The following ASCC1 variants were observed in gnomAD, a reference collection of about 807,000 sequenced individuals.
The protein encoded by ASCC1 is ASC-1 complex subunit P50.
A neutral mutation model predicts 46.6 loss-of-function variants in ASCC1; 35 were observed. That is an observed-to-expected ratio of 0.75 (90% CI 0.57 to 0.99). ASCC1 has a LOEUF of 0.99. Ranked by LOEUF, ASCC1 falls within the 50% of genes least tolerant of loss-of-function variation. ASCC1 has a pLI of 0.00. For synonymous variants in ASCC1, 143 were observed against 146.6 expected, an observed-to-expected ratio of 0.98 and a Z score of 0.18; for missense variants, 376 against 428.7, an observed-to-expected ratio of 0.88 and a Z score of 1.09.
intron 5 of ASCC1, among the ~76,000 whole-genome samples, chr10:72,180,496 T>G (rs1852442520): frequency 6.6e-6 from 1 of 151,884 alleles, no homozygotes; most frequent in Non-Finnish European, 1.5e-5. Context: ...TGTGGTGGTG[T>G]GTGCCTGTAA....
intron 9 of ASCC1, among the ~76,000 whole-genome samples, chr10:72,117,206 T>C (rs1843593696): frequency 6.6e-6 from 1 of 152,234 alleles, no homozygotes; most frequent in African/African-American, 2.4e-5. Flanking sequence ...GTATGTCATA[T>C]ATTTATGAGT....
chr10:72,108,901 T>C (rs1339349516), intron 9 of ASCC1, among the ~76,000 whole-genome samples: 1 of 152,192 alleles, frequency 6.6e-6, no homozygotes. Context: ...GGCTCTACAG[T>C]CATTATCTGG....
chr10:72,185,505 A>G (rs1853323499), intron 5 of ASCC1, among the ~76,000 whole-genome samples: 1 of 152,200 alleles, frequency 6.6e-6, no homozygotes, highest in African/African-American at 2.4e-5. Context: ...AACACACATG[A>G]CTGACTCCCA....
intron 5 of ASCC1, among the ~76,000 whole-genome samples, chr10:72,175,272 A>C (rs1851725466): frequency 6.6e-6 from 1 of 152,238 alleles, no homozygotes; most frequent in Non-Finnish European, 1.5e-5. Flanking sequence ...TCTGCAGATG[A>C]AACACATATG....
intron 3 of ASCC1, chr10:72,204,515 C>T: frequency 6.6e-7 from 1 of 1,525,178 alleles, no homozygotes. Context: ...ACTACCGAAT[C>T]CCAAGAGAGA....
chr10:72,185,853 GA>G (rs1235678396), intron 5 of ASCC1, among the ~76,000 whole-genome samples: 1 of 152,042 alleles, frequency 6.6e-6, no homozygotes, highest in Non-Finnish European at 1.5e-5. Flanking sequence ...AAACAGAATG[GA>G]AAAAACTATG....
intron 5 of ASCC1, among the ~76,000 whole-genome samples, chr10:72,194,028 G>C (rs1164668344): frequency 4.0e-5 from 6 of 149,938 alleles, no homozygotes; most frequent in Non-Finnish European, 5.9e-5. Context: ...ATTTTTAGTA[G>C]AGACGGGGTT....
chr10:72,202,144 A>T (rs1004231308), intron 4 of ASCC1, among the ~76,000 whole-genome samples: 2 of 152,118 alleles, frequency 1.3e-5, no homozygotes, highest in Non-Finnish European at 1.5e-5. Flanking sequence ...TTAATGAATT[A>T]TTGGAGGTTG....
At chr10:72,109,405 G>C (rs56663070) in intron 9 of ASCC1, among the ~76,000 whole-genome samples, 9 of 152,142 alleles carry the variant, frequency 5.9e-5, no homozygotes, top group Non-Finnish European at 1.0e-4. Flanking sequence ...CACAGAATGG[G>C]AACAGCAACT....
intron 7 of ASCC1, chr10:72,134,200 G>A (rs751952946): frequency 3.9e-5 from 6 of 152,270 alleles, no homozygotes; most frequent in East Asian, 1.9e-4. Flanking sequence ...GGAGGCCAAA[G>A]AGGGAAGATC....
chr10:72,147,843 T>C (rs1368309564), intron 7 of ASCC1, among the ~76,000 whole-genome samples: 1 of 152,206 alleles, frequency 6.6e-6, no homozygotes, highest in African/African-American at 2.4e-5. Flanking sequence ...TATAATTCCC[T>C]GGAAACTATA....
Position 72,213,388 on chromosome 10 carries a change from T to C in ASCC1, c.-33-57A>G. The C allele has an allele frequency of 5.4e-6, 5 of 923,220 alleles. No individual in the cohort carries two copies. In the South Asian group the frequency reaches 6.8e-5, roughly 12 times the overall value. The allele number at this position is 923,220 out of a possible 1,614,324, so 57.2% of individuals were successfully genotyped here. On this transcript the variant is annotated intron_variant, in intron 1 of 9. Coordinates refer to ENST00000672957, the MANE Select transcript of ASCC1 (RefSeq NM_001198800.3). The stretch of plus-strand genomic sequence containing the variant: ...TAGTGAGAATTAAAACTCCTATCTC[T>C]AGTGTCTGAACCATTATGCAGGTCT...
intron 3 of ASCC1, 34 bp downstream of exon 3, chr10:72,210,698 G>A (rs1005877934): frequency 6.3e-7 from 1 of 1,581,146 alleles, no homozygotes; most frequent in African/African-American, 1.3e-5. Flanking sequence ...TCCTGGAAGT[G>A]TCTTCCCATG....
intron 9 of ASCC1, among the ~76,000 whole-genome samples, chr10:72,124,723 C>CTTTTT (rs34682603): frequency 2.0e-4 from 24 of 118,636 alleles, no homozygotes; most frequent in African/African-American, 6.3e-4. Context: ...CAAACAACAT[C>CTTTTT]TTTTTTTTTT....
intron 7 of ASCC1, among the ~76,000 whole-genome samples, chr10:72,151,566 C>CACA (rs1190312345): frequency 6.6e-6 from 1 of 151,944 alleles, no homozygotes; most frequent in African/African-American, 2.4e-5. Flanking sequence ...GAACATTGTG[C>CACA]ACATGTACCC....
intron 9 of ASCC1, chr10:72,103,078 T>G (rs1353810390): frequency 2.7e-6 from 1 of 364,532 alleles, no homozygotes; most frequent in African/African-American, 2.2e-5. Context: ...TAAACACATG[T>G]GCCAGGAATT....
chr10:72,161,893 T>C (rs1409405058), intron 5 of ASCC1, among the ~76,000 whole-genome samples: 1 of 152,104 alleles, frequency 6.6e-6, no homozygotes, highest in Non-Finnish European at 1.5e-5. Context: ...CCTCCTACCA[T>C]ATAAAAAAAT....
intron 7 of ASCC1, among the ~76,000 whole-genome samples, chr10:72,137,108 G>T (rs143520875): frequency 1.3e-4 from 20 of 152,050 alleles, no homozygotes; most frequent in Admixed American, 1.0e-3. Flanking sequence ...TAGAGACGGG[G>T]TATCACTATA....
At chr10:72,150,229 A>G (rs187802548) in intron 7 of ASCC1, among the ~76,000 whole-genome samples, 53 of 152,158 alleles carry the variant, frequency 3.5e-4, no homozygotes, top group Non-Finnish European at 4.6e-4. Context: ...ACACCAAAAT[A>G]GCTCCTATGC....
Sources: gnomAD v4.1 joint callset for allele counts (sites outside exome capture counted in the v4.1 genomes callset) on GRCh38, gnomAD v4.1.1 for gene constraint, MANE v1.5 for transcripts, NCBI Gene and HGNC (gene_info 2026-07-23, HGNC 2026-07-21) for gene names.